The following CTNNA2 variants were observed in gnomAD, a reference collection of about 807,000 sequenced individuals.
The protein encoded by CTNNA2 is catenin alpha 2.
A neutral mutation model predicts 101.0 loss-of-function variants in CTNNA2; 42 were observed. The observed-to-expected ratio is 0.42, with a 90% CI of 0.32 to 0.54. CTNNA2 has a LOEUF of 0.54. Ranked by LOEUF, CTNNA2 falls within the 20% of genes least tolerant of loss-of-function variation. The pLI, the probability that CTNNA2 is intolerant of heterozygous loss-of-function variation, is 0.14. For synonymous variants in CTNNA2, 450 were observed against 456.4 expected (o/e 0.99, Z 0.18); for missense variants, 871 against 1,223.1 (o/e 0.71, Z 4.29).
chr2:79,530,094 A>G (rs996395563), intron 1 of CTNNA2, among the ~76,000 whole-genome samples: 1 of 151,978 alleles, frequency 6.6e-6, no homozygotes, highest in African/African-American at 2.4e-5. Flanking sequence ...CTGTGGTGGG[A>G]GGTTAGCTTT....
chr2:79,906,046 T>TA (rs1685402648), intron 6 of CTNNA2, among the ~76,000 whole-genome samples: 1 of 152,042 alleles, frequency 6.6e-6, no homozygotes, highest in Non-Finnish European at 1.5e-5. Context: ...GCCAATTCTC[T>TA]AAAAACAGAC....
intron 7 of CTNNA2, among the ~76,000 whole-genome samples, chr2:80,244,857 C>T (rs73938252): frequency 4.7e-4 from 71 of 152,234 alleles, no homozygotes; most frequent in African/African-American, 1.7e-3. Context: ...TAGTCATTTC[C>T]ATATCACACA....
chr2:80,318,801 G>T (rs1678388650), intron 7 of CTNNA2, among the ~76,000 whole-genome samples: 1 of 152,150 alleles, frequency 6.6e-6, no homozygotes, highest in Non-Finnish European at 1.5e-5. Context: ...TGTTAGGTTA[G>T]GATTCTTTCC....
intron 4 of CTNNA2, among the ~76,000 whole-genome samples, chr2:79,488,994 T>C (rs923119058): frequency 6.6e-6 from 1 of 152,188 alleles, no homozygotes; most frequent in African/African-American, 2.4e-5. Flanking sequence ...ACTTTATCTC[T>C]ATAGCATGGA....
chr2:80,015,944 G>A (rs900188172), intron 7 of CTNNA2, among the ~76,000 whole-genome samples: 3 of 152,158 alleles, frequency 2.0e-5, no homozygotes, highest in African/African-American at 7.2e-5. Context: ...TACAGAATTC[G>A]TATTTGCTTC....
chr2:79,228,697 G>A (rs1674452556), intron 2 of CTNNA2, among the ~76,000 whole-genome samples: 1 of 149,460 alleles, frequency 6.7e-6, no homozygotes, highest in Non-Finnish European at 1.5e-5. Flanking sequence ...CATTCTGCAG[G>A]CTGTCTGTTT....
intron 7 of CTNNA2, among the ~76,000 whole-genome samples, chr2:80,377,681 C>T (rs116545357): frequency 0.011 from 1,741 of 152,246 alleles, 12 homozygotes; most frequent in Admixed American, 0.018. Context: ...TCAAAGCATC[C>T]GTCTTTCCCC....
chr2:80,206,621 C>T (rs2149028054), intron 7 of CTNNA2, among the ~76,000 whole-genome samples: 1 of 152,244 alleles, frequency 6.6e-6, no homozygotes, highest in East Asian at 1.9e-4. Context: ...TTCTATGTTC[C>T]TGTTCTATCA....
At chr2:79,599,274 G>T (rs145190695) in intron 1 of CTNNA2, among the ~76,000 whole-genome samples, 9 of 152,026 alleles carry the variant, frequency 5.9e-5, no homozygotes, top group Admixed American at 3.3e-4. Flanking sequence ...ATAATGAGTT[G>T]GCTCTTCTGG....
At chr2:80,228,762 GAGGGGTAA>G (rs1480664334) in intron 7 of CTNNA2, among the ~76,000 whole-genome samples, 1 of 152,178 alleles carries the variant, frequency 6.6e-6, no homozygotes, top group Non-Finnish European at 1.5e-5. Context: ...AGACAAAATA[GAGGGGTAA>G]AGCTGGTTGT....
At position 79,962,809 on chromosome 2, in the gene CTNNA2, C is replaced by T. The variant is rs549189720; in HGVS notation, c.1056+53012C>T. ...AAAATTGGCCGGGCGCGGTGGCTCA[C>T]GCCTGTAATCCCAGCACTTTGGGAG... On this transcript the variant is annotated intron_variant, in intron 7 of 18. Transcript: ENST00000402739. Among the ~76,000 whole-genome samples, 959 of 152,224 alleles carry T rather than the reference C, an allele frequency of 6.3e-3. 16 individuals carry two copies. The highest frequency in any genetic ancestry group is 0.022 in the African/African-American group (895 of 41,558).
At chr2:79,393,094 G>A (rs367994411) in intron 4 of CTNNA2, among the ~76,000 whole-genome samples, 57 of 152,234 alleles carry the variant, frequency 3.7e-4, no homozygotes, top group Admixed American at 1.2e-3. Flanking sequence ...CTCATCTTAA[G>A]CCAAAAACTC....
intron 7 of CTNNA2, among the ~76,000 whole-genome samples, chr2:80,349,580 C>T (rs565913813): frequency 4.0e-5 from 6 of 151,806 alleles, no homozygotes; most frequent in Non-Finnish European, 8.8e-5. Flanking sequence ...TTTTCCAGGT[C>T]TCCCCTCAGT....
At chr2:80,325,840 C>T (rs751543410) in intron 7 of CTNNA2, among the ~76,000 whole-genome samples, 1 of 152,188 alleles carries the variant, frequency 6.6e-6, no homozygotes, top group Non-Finnish European at 1.5e-5. Context: ...GCAGCCCATC[C>T]TCCCTAGCAT....
intron 1 of CTNNA2, among the ~76,000 whole-genome samples, chr2:79,586,307 C>A (rs779799392): frequency 4.6e-5 from 7 of 152,128 alleles, no homozygotes; most frequent in South Asian, 2.1e-4. Flanking sequence ...CTCTGCCCTC[C>A]CTTCTTATTT....
intron 3 of CTNNA2, among the ~76,000 whole-genome samples, chr2:79,821,579 A>G (rs778848954): frequency 1.8e-4 from 28 of 152,224 alleles, no homozygotes; most frequent in Admixed American, 3.3e-4. Flanking sequence ...AATGCATAAA[A>G]TTAGTTGGAC....
intron 9 of CTNNA2, among the ~76,000 whole-genome samples, chr2:80,492,488 C>G (rs1269930529): frequency 6.6e-6 from 1 of 152,192 alleles, no homozygotes; most frequent in African/African-American, 2.4e-5. Context: ...CTACTTCAGT[C>G]TAATATCCAT....
intron 4 of CTNNA2, among the ~76,000 whole-genome samples, chr2:79,386,091 C>A (rs1218296523): frequency 1.3e-5 from 2 of 152,062 alleles, no homozygotes; most frequent in Admixed American, 1.3e-4. Flanking sequence ...GTTCTAGATC[C>A]TTGAGGAATT....
intron 2 of CTNNA2, among the ~76,000 whole-genome samples, chr2:79,240,858 C>A (rs1373208628): frequency 6.6e-6 from 1 of 152,038 alleles, no homozygotes; most frequent in Non-Finnish European, 1.5e-5. Flanking sequence ...ACACTGTGGG[C>A]CTTTACATTT....
Sources: gnomAD v4.1 joint callset for allele counts (sites outside exome capture counted in the v4.1 genomes callset) on GRCh38, gnomAD v4.1.1 for gene constraint, MANE v1.5 for transcripts, NCBI Gene and HGNC (gene_info 2026-07-23, HGNC 2026-07-21) for gene names.